Variants in PWWP3B observed in about 807,000 individuals in gnomAD.
PWWP3B encodes the protein PWWP domain containing 3B.
A neutral mutation model predicts 15.7 loss-of-function variants in PWWP3B; 5 were observed. The ratio of observed to expected loss-of-function variants is 0.32; its 90% CI spans 0.17 to 0.67. The LOEUF is 0.67. PWWP3B is among the 30% of genes least tolerant of loss of function. The probability of loss-of-function intolerance (pLI) is 0.74; values close to 1 mark genes in which losing one functional copy is unlikely to be tolerated. For synonymous variants in PWWP3B, 203 were observed against 179.8 expected, an observed-to-expected ratio of 1.13 and a Z score of -1.03; for missense variants, 519 against 493.1, an observed-to-expected ratio of 1.05 and a Z score of -0.50.
chrX:106,189,204 T>C (rs1477283649), intron 2 of PWWP3B, among the ~76,000 whole-genome samples: 1 of 112,205 alleles, frequency 8.9e-6, no homozygotes, highest in Admixed American at 9.4e-5. Context: ...TAGCTATTCC[T>C]TTTTTTAACT....
intron 2 of PWWP3B, among the ~76,000 whole-genome samples, chrX:106,194,180 A>G (rs1047679359): frequency 2.1e-4 from 24 of 111,765 alleles, no homozygotes; most frequent in African/African-American, 7.8e-4. Flanking sequence ...AGGTACACCA[A>G]TCAGACATAG....
intron 2 of PWWP3B, among the ~76,000 whole-genome samples, chrX:106,179,675 T>C (rs1296072378): frequency 8.9e-6 from 1 of 111,770 alleles, no homozygotes; most frequent in African/African-American, 3.2e-5. Context: ...GAGTAAGAAT[T>C]AACACAGCTG....
intron 2 of PWWP3B, among the ~76,000 whole-genome samples, chrX:106,179,816 A>G (rs1922093080): frequency 8.9e-6 from 1 of 112,393 alleles, no homozygotes; most frequent in East Asian, 2.8e-4. Flanking sequence ...CTCGCTCAGT[A>G]GCCATAACAT....
intron 2 of PWWP3B, chrX:106,177,365 G>A (rs1921956538): frequency 8.9e-6 from 1 of 112,450 alleles, no homozygotes; most frequent in Non-Finnish European, 1.9e-5. Context: ...TCAAGGTAAT[G>A]GCTGTCTTAA....
chrX:106,197,976 T>C (rs1178356727), intron 2 of PWWP3B, among the ~76,000 whole-genome samples: 2 of 112,242 alleles, frequency 1.8e-5, no homozygotes, highest in Non-Finnish European at 3.8e-5. Flanking sequence ...GGAATTTTTG[T>C]TATTAAGTAT....
rs185938765 is a variant in PWWP3B, at chrX:106,173,467, G to A, written c.-401+2328G>A. ...TATTCGTTCTTCTGACTTGTGTCTT[G>A]TCTATATTCTCATCGTCTACCTTCA... On this transcript the variant is annotated intron_variant, in intron 2 of 3. Coordinates refer to ENST00000357175, the MANE Select transcript of PWWP3B (RefSeq NM_001171020.2). 2.3e-3 allele frequency among the ~76,000 whole-genome samples: 253 copies of A among 110,768 alleles called. 2 individuals carry two copies. Among genetic ancestry groups the A allele is most frequent in the African/African-American group, 8.0e-3 (243 of 30,491 alleles).
rs186081968 is a variant in PWWP3B, at chrX:106,186,969, C to T, written c.-401+15830C>T. ...TACAATCCTCTAGCTAGACGCAGAG[C>T]GTTGATTGGTGCATTTACAATCCTC... On this transcript the variant is annotated intron_variant, in intron 2 of 3. Coordinates refer to ENST00000357175, the MANE Select transcript of PWWP3B (RefSeq NM_001171020.2). Among the ~76,000 whole-genome samples, 14 of 111,673 alleles carry T rather than the reference C, an allele frequency of 1.3e-4. No homozygotes were observed. The East Asian group carries it at 2.8e-3, about 23-fold the overall frequency.
rs1312058149 is a variant in PWWP3B, at chrX:106,191,689, G to C, written c.-400-12296G>C. Among the ~76,000 whole-genome samples, 164 of 111,091 alleles carry C rather than the reference G, an allele frequency of 1.5e-3. 1 individual carries two copies. The highest frequency in any genetic ancestry group is 2.6e-3 in the Non-Finnish European group (137 of 53,086). On this transcript the variant is annotated intron_variant, in intron 2 of 3. Transcript: ENST00000357175. ...ATTGGCTGTGGGTTTGTCATAAATA[G>C]CTCTTATTATTTTGAGATACGTCCC...
At position 106,205,263 on chromosome X, in the gene PWWP3B, T is replaced by C. The variant is rs1411988464; in HGVS notation, c.-170T>C. On this transcript the variant is annotated 5_prime_UTR_variant, in exon 4 of 4. Transcript: ENST00000357175. Reference sequence around the variant, plus strand: ...ATTCAAACAACGTGTTCAAGCATCCTTGGAAAATTGAGGTGGAGAACAGGC... The same window carrying C: ...ATTCAAACAACGTGTTCAAGCATCCCTGGAAAATTGAGGTGGAGAACAGGC... 3.8e-5 allele frequency: 15 copies of C among 399,238 alleles called. No homozygotes were observed. Among genetic ancestry groups the C allele is most frequent in the Non-Finnish European group, 5.8e-5 (14 of 239,636 alleles). The allele number at this position is 399,238 out of a possible 1,213,427, so 32.9% of individuals were successfully genotyped here. A position where few individuals can be genotyped will look rare whatever the true frequency, so the allele number is the denominator to read the frequency against.
At chrX:106,186,452 G>T (rs1922514023) in intron 2 of PWWP3B, among the ~76,000 whole-genome samples, 1 of 111,473 alleles carries the variant, frequency 9.0e-6, no homozygotes, top group South Asian at 3.8e-4. Context: ...GCCAACAGGT[G>T]CCTGGTATTT....
At chrX:106,187,120 G>T (rs182822583) in intron 2 of PWWP3B, among the ~76,000 whole-genome samples, 2 of 111,704 alleles carry the variant, frequency 1.8e-5, no homozygotes, top group East Asian at 5.7e-4. Context: ...TCAGAGAATG[G>T]TGGGATTAAG....
chrX:106,207,134 A>G lies in PWWP3B; in HGVS notation c.1702A>G (p.Asn568Asp). The change falls in exon 4 of 4, where the codon AAC (asparagine) becomes GAC (aspartate). Residue 568 changes from asparagine to aspartate, a missense_variant. Physicochemically the swap from Asn to Asp is conservative, Grantham distance 23. Transcript: ENST00000357175. ...CATTGTGAATGCAAAGGGAACAGAGAACCATCTTCTGGCCATTGTAAATGG... is the reference window on the plus strand; with the variant it reads ...CATTGTGAATGCAAAGGGAACAGAGGACCATCTTCTGGCCATTGTAAATGG... Reference protein sequence around the residue: ...DFIVNAKGTENHLLAIVNGTK... With the variant: ...DFIVNAKGTEDHLLAIVNGTK... 1 of 1,206,599 alleles carries G rather than the reference A, an allele frequency of 8.3e-7. No individual in the cohort carries two copies. The highest frequency in any genetic ancestry group is 1.1e-6 in the Non-Finnish European group (1 of 892,584).
chrX:106,170,934 G>A (rs1439969534), intron 1 of PWWP3B, 78 bp from the exon 2 acceptor site: 3 of 111,697 alleles, frequency 2.7e-5, no homozygotes, highest in Non-Finnish European at 5.6e-5. Context: ...CCTGTGTTTT[G>A]GAATGACAGC....
intron 2 of PWWP3B, among the ~76,000 whole-genome samples, chrX:106,190,181 T>G (rs1430042859): frequency 9.0e-6 from 1 of 111,611 alleles, no homozygotes; most frequent in African/African-American, 3.3e-5. Context: ...GTGTTCCTAT[T>G]TCTCCACATC....
chrX:106,186,843 A>T (rs1922542489), intron 2 of PWWP3B, among the ~76,000 whole-genome samples: 1 of 111,578 alleles, frequency 9.0e-6, no homozygotes, highest in Non-Finnish European at 1.9e-5. Context: ...CAGAGTGCTG[A>T]CTGGTTCATT....
rs754196479 is a variant in PWWP3B, at chrX:106,186,653, G to C, written c.-401+15514G>C. On this transcript the variant is annotated intron_variant, in intron 2 of 3. Transcript: ENST00000357175. ...ACGGGCCTTCATGGTGAGTGTTACAGCTCTTAAAGGTGGCACGGACCCAAA... is the reference window on the plus strand; with the variant it reads ...ACGGGCCTTCATGGTGAGTGTTACACCTCTTAAAGGTGGCACGGACCCAAA... 7.1e-4 allele frequency among the ~76,000 whole-genome samples: 79 copies of C among 110,782 alleles called. 1 individual carries two copies. Among genetic ancestry groups the C allele is most frequent in the African/African-American group, 2.4e-3 (74 of 30,406 alleles).
chrX:106,207,278 G>T lies in PWWP3B; in HGVS notation c.1846G>T (p.Val616Phe), dbSNP rs764186638. 1 of 1,210,502 alleles carries T rather than the reference G, an allele frequency of 8.3e-7. No homozygotes were observed. Among genetic ancestry groups the T allele is most frequent in the South Asian group, 1.8e-5 (1 of 56,589 alleles). ...LDEVVKYLQE[V>F]CNQIDQIMPT... ...TGAAGTGGTGAAATATTTACAAGAA[G>T]TCTGCAATCAAATAGATCAAATAAT... Residue 616 changes from valine to phenylalanine, a missense_variant, in exon 4 of 4, where the codon GTC becomes TTC. Transcript: ENST00000357175.
At chrX:106,191,903 G>T (rs888000083) in intron 2 of PWWP3B, among the ~76,000 whole-genome samples, 4 of 111,651 alleles carry the variant, frequency 3.6e-5, no homozygotes, top group African/African-American at 1.3e-4. Context: ...ACTCTATCAT[G>T]GTGGATAAGC....
rs769230759 is a variant in PWWP3B, at chrX:106,206,422, T to C, written c.990T>C (p.Tyr330=). 2 of 1,208,668 alleles carry C rather than the reference T, an allele frequency of 1.7e-6. No homozygotes were observed. Among genetic ancestry groups the C allele is most frequent in the Non-Finnish European group, 2.2e-6 (2 of 894,535 alleles). Residue 330 remains tyrosine (Y), a synonymous_variant, in exon 4 of 4, where the codon TAT becomes TAC. Coordinates refer to ENST00000357175, the MANE Select transcript of PWWP3B (RefSeq NM_001171020.2). ...GTGCCTCTAACCCTGTCTGGGATTA[T>C]TCACATCTTATGAGTAGTGAAAGAA... ...SFSASNPVWD[Y]SHLMSSERNF...
Sources: allele counts gnomAD v4.1 joint callset (sites outside exome capture counted in the v4.1 genomes callset), GRCh38; gene constraint gnomAD v4.1.1; transcripts MANE v1.5; gene names NCBI Gene and HGNC (gene_info 2026-07-23, HGNC 2026-07-21).